Variants in ARHGAP6 observed in about 807,000 individuals in gnomAD.
ARHGAP6 encodes the protein rho GTPase-activating protein 6.
Under a neutral mutation model 55.7 loss-of-function variants are expected in ARHGAP6, and 16 were observed. The observed-to-expected ratio is 0.29, with a 90% CI of 0.19 to 0.44. The LOEUF (loss-of-function observed/expected upper bound fraction) is 0.44, where lower values mean the gene tolerates loss of function less well. ARHGAP6 is among the 20% of genes least tolerant of loss of function. The probability of loss-of-function intolerance (pLI) is 1.00; values close to 1 mark genes in which losing one functional copy is unlikely to be tolerated. For missense variants in ARHGAP6, 698 were observed against 808.9 expected, an observed-to-expected ratio of 0.86 and a Z score of 1.66; for synonymous variants, 382 against 360.9, an observed-to-expected ratio of 1.06 and a Z score of -0.66.
chrX:11,566,258 G>A (rs2051439957), intron 1 of ARHGAP6, among the ~76,000 whole-genome samples: 1 of 112,005 alleles, frequency 8.9e-6, no homozygotes, highest in Admixed American at 9.5e-5. Flanking sequence ...TTCATGTCTG[G>A]TTCACTGGTG....
chrX:11,254,000 C>G (rs748149293), intron 2 of ARHGAP6, among the ~76,000 whole-genome samples: 3 of 110,986 alleles, frequency 2.7e-5, no homozygotes, highest in Non-Finnish European at 5.7e-5. Flanking sequence ...CTCATCTTTA[C>G]TGGAATCAGG....
At chrX:11,532,224 C>T (rs761073814) in intron 1 of ARHGAP6, among the ~76,000 whole-genome samples, 6 of 112,149 alleles carry the variant, frequency 5.4e-5, no homozygotes, top group South Asian at 3.7e-4. Flanking sequence ...ACATACGTAC[C>T]GAGTTTAAAG....
At chrX:11,447,889 A>G (rs2050107733) in intron 1 of ARHGAP6, among the ~76,000 whole-genome samples, 1 of 112,232 alleles carries the variant, frequency 8.9e-6, no homozygotes, top group Non-Finnish European at 1.9e-5. Flanking sequence ...TGACATGTAT[A>G]TTTATTGATG....
At chrX:11,631,557 C>G (rs1259106980) in intron 1 of ARHGAP6, among the ~76,000 whole-genome samples, 1 of 110,757 alleles carries the variant, frequency 9.0e-6, no homozygotes, top group Non-Finnish European at 1.9e-5. Context: ...GACTTTATTT[C>G]CAGTGTCTCC....
intron 1 of ARHGAP6, among the ~76,000 whole-genome samples, chrX:11,531,663 TGTTTGC>T (rs2051051113): frequency 9.0e-6 from 1 of 111,619 alleles, no homozygotes; most frequent in Admixed American, 9.6e-5. Context: ...AATACCCATT[TGTTTGC>T]AAGTTGTTGC....
intron 1 of ARHGAP6, among the ~76,000 whole-genome samples, chrX:11,302,218 C>T (rs1209860622): frequency 8.9e-6 from 1 of 112,461 alleles, no homozygotes; most frequent in Non-Finnish European, 1.9e-5. Context: ...CCATTCTGGA[C>T]AACACAGATA....
chrX:11,274,128 A>C (rs1470833255), intron 1 of ARHGAP6, among the ~76,000 whole-genome samples: 1 of 111,420 alleles, frequency 9.0e-6, no homozygotes, highest in Non-Finnish European at 1.9e-5. Context: ...AAGAAAATTC[A>C]TCAAAATAAC....
intron 2 of ARHGAP6, among the ~76,000 whole-genome samples, chrX:11,226,943 A>T (rs2047058077): frequency 8.9e-6 from 1 of 112,401 alleles, no homozygotes; most frequent in African/African-American, 3.2e-5. Flanking sequence ...ATTGTGAATT[A>T]TCTGCTGTCA....
At chrX:11,354,713 A>G (rs1357401832) in intron 1 of ARHGAP6, among the ~76,000 whole-genome samples, 2 of 111,377 alleles carry the variant, frequency 1.8e-5, no homozygotes, top group African/African-American at 6.5e-5. Context: ...AGTAAAATGT[A>G]GCAAATACAG....
chrX:11,174,518 TTTCCTTCCTTCCTTCCTTCCTTCC>T (rs1183794863), intron 8 of ARHGAP6, among the ~76,000 whole-genome samples: 7 of 69,531 alleles, frequency 1.0e-4, no homozygotes, highest in African/African-American at 3.7e-4. Context: ...TCTTTCTTTC[TTTCCTTCCTTCCTTCCTTCCTTCC>T]TTCCTTCCTT....
At chrX:11,572,435 G>GCA (rs2051534423) in intron 1 of ARHGAP6, among the ~76,000 whole-genome samples, 1 of 110,140 alleles carries the variant, frequency 9.1e-6, no homozygotes, top group Non-Finnish European at 1.9e-5. Flanking sequence ...GAGAACACAA[G>GCA]GTGTTTGGTT....
intron 1 of ARHGAP6, among the ~76,000 whole-genome samples, chrX:11,620,320 T>A (rs1020884508): frequency 1.8e-5 from 2 of 112,223 alleles, no homozygotes; most frequent in African/African-American, 6.5e-5. Flanking sequence ...TGACTTCTGG[T>A]TAAGAAAGAA....
intron 2 of ARHGAP6, among the ~76,000 whole-genome samples, chrX:11,208,733 G>T (rs2046745166): frequency 8.9e-6 from 1 of 111,871 alleles, no homozygotes; most frequent in Non-Finnish European, 1.9e-5. Flanking sequence ...TGGAGGGGCT[G>T]GCAACTGAGT....
At chrX:11,206,550 T>C (rs774022488) in intron 2 of ARHGAP6, among the ~76,000 whole-genome samples, 1 of 112,315 alleles carries the variant, frequency 8.9e-6, no homozygotes, top group South Asian at 3.7e-4. Flanking sequence ...AACATTCAGC[T>C]TGCAGGATAC....
intron 1 of ARHGAP6, among the ~76,000 whole-genome samples, chrX:11,537,935 AGGAACTCCTGGG>A (rs1288531540): frequency 2.7e-5 from 3 of 110,569 alleles, no homozygotes; most frequent in Non-Finnish European, 5.7e-5. Flanking sequence ...TTTGACCTCA[AGGAACTCCTGGG>A]AATAAAAAAA....
At chrX:11,590,873 A>AAGAAAAGAAAAGAAAGAAG (rs1569411008) in intron 1 of ARHGAP6, among the ~76,000 whole-genome samples, 1 of 52,633 alleles carries the variant, frequency 1.9e-5, no homozygotes, top group Non-Finnish European at 3.7e-5. Flanking sequence ...AAAGAAGGAA[A>AAGAAAAGAAAAGAAAGAAG]GAAAGAAAGA....
intron 1 of ARHGAP6, among the ~76,000 whole-genome samples, chrX:11,266,558 T>C (rs986137973): frequency 9.1e-5 from 10 of 110,087 alleles, no homozygotes; most frequent in Admixed American, 6.8e-4. Flanking sequence ...TCAGAGTGAA[T>C]ATACCCACAT....
chrX:11,305,494 G>A (rs1028149511), intron 1 of ARHGAP6, among the ~76,000 whole-genome samples: 2 of 112,535 alleles, frequency 1.8e-5, no homozygotes, highest in African/African-American at 6.5e-5. Context: ...CAAGAAGCTT[G>A]TCTCCTGTGA....
intron 1 of ARHGAP6, among the ~76,000 whole-genome samples, chrX:11,536,406 CCCTAATGGGATTGCAGCCCATCT>C (rs1276946589): frequency 2.7e-5 from 3 of 111,746 alleles, no homozygotes; most frequent in Non-Finnish European, 5.6e-5. Flanking sequence ...TTATAGGGTT[CCCTAATGGGATTGCAGCCCATCT>C]CCTAAAGTGG....
Sources: gnomAD v4.1 joint callset for allele counts (sites outside exome capture counted in the v4.1 genomes callset) on GRCh38, gnomAD v4.1.1 for gene constraint, MANE v1.5 for transcripts, NCBI Gene and HGNC (gene_info 2026-07-23, HGNC 2026-07-21) for gene names.